Variants in SESTD1 observed in about 807,000 individuals in gnomAD.
The protein encoded by SESTD1 is SEC14 and spectrin domain containing 1.
A neutral mutation model predicts 101.7 loss-of-function variants in SESTD1; 43 were observed. The ratio of observed to expected loss-of-function variants is 0.42; its 90% CI spans 0.33 to 0.55. The LOEUF (loss-of-function observed/expected upper bound fraction) is 0.55. Among genes scored for constraint, SESTD1 ranks in the 20% least tolerant of loss-of-function variants. SESTD1 has a pLI of 0.07. For missense variants in SESTD1, 647 were observed against 815.1 expected, an observed-to-expected ratio of 0.79 and a Z score of 2.51; for synonymous variants, 283 against 286.8, an observed-to-expected ratio of 0.99 and a Z score of 0.13.
chr2:179,158,581 A>G (rs2045673637), intron 5 of SESTD1, among the ~76,000 whole-genome samples: 1 of 152,186 alleles, frequency 6.6e-6, no homozygotes, highest in South Asian at 2.1e-4. Context: ...CATATTTAAG[A>G]GCATATTATC....
At chr2:179,132,502 C>T in intron 9 of SESTD1, 76 bp from the exon 10 acceptor site, 2 of 1,491,880 alleles carry the variant, frequency 1.3e-6, no homozygotes, top group Non-Finnish European at 1.8e-6. Context: ...TTATTTTTCC[C>T]CTCCCAAAGT....
intron 2 of SESTD1, among the ~76,000 whole-genome samples, chr2:179,183,406 C>A (rs1559132810): frequency 4.6e-5 from 7 of 152,046 alleles, no homozygotes; most frequent in Admixed American, 3.3e-4. Flanking sequence ...GAAATCTTCA[C>A]CCAAACATAG....
At chr2:179,233,655 T>C (rs1200738209) in intron 1 of SESTD1, among the ~76,000 whole-genome samples, 2 of 152,206 alleles carry the variant, frequency 1.3e-5, no homozygotes, top group African/African-American at 4.8e-5. Context: ...GGTTTCACCA[T>C]GTTGGCCAGG....
chr2:179,194,171 C>A (rs540506693), intron 1 of SESTD1, among the ~76,000 whole-genome samples: 1 of 152,194 alleles, frequency 6.6e-6, no homozygotes. Context: ...TACACCTACT[C>A]CATCTGCTCC....
At chr2:179,162,259 C>A (rs982117307) in intron 5 of SESTD1, among the ~76,000 whole-genome samples, 24 of 150,954 alleles carry the variant, frequency 1.6e-4, no homozygotes, top group African/African-American at 2.7e-4. Context: ...AAAAAAAAAA[C>A]CATATTTTTT....
chr2:179,169,371 G>A (rs1392151758), intron 5 of SESTD1, among the ~76,000 whole-genome samples: 1 of 151,948 alleles, frequency 6.6e-6, no homozygotes, highest in East Asian at 1.9e-4. Context: ...ATGATAAATT[G>A]GGCCCTACTC....
At chr2:179,123,372 TACA>T (rs2044795372) in intron 12 of SESTD1, among the ~76,000 whole-genome samples, 1 of 152,112 alleles carries the variant, frequency 6.6e-6, no homozygotes, top group African/African-American at 2.4e-5. Flanking sequence ...ATTTTGGGCA[TACA>T]GGATTTACCA....
At chr2:179,118,469 A>T (rs901868647) in intron 13 of SESTD1, among the ~76,000 whole-genome samples, 4 of 152,304 alleles carry the variant, frequency 2.6e-5, no homozygotes, top group Middle Eastern at 6.8e-3. Context: ...TACCGATAAT[A>T]TGTTACCAGA....
At chr2:179,228,963 C>A (rs1452541664) in intron 1 of SESTD1, among the ~76,000 whole-genome samples, 1 of 152,078 alleles carries the variant, frequency 6.6e-6, no homozygotes, top group Non-Finnish European at 1.5e-5. Context: ...AAACTAAAAT[C>A]ATCCACAGAA....
chr2:179,139,429 G>A (rs187731905), intron 9 of SESTD1, among the ~76,000 whole-genome samples: 34 of 152,274 alleles, frequency 2.2e-4, no homozygotes, highest in Non-Finnish European at 3.7e-4. Flanking sequence ...AAAGAAGGGG[G>A]AGAAATGAAA....
rs1222682418 is a variant in SESTD1 at position 179,146,376 on chromosome 2, T to C, written c.637+26A>G. ...CAATCCAATTGGTTTACTGGATTAT[T>C]ATCACAAATATTTTTTAAATCTTAC... On this transcript the variant is annotated intron_variant, in intron 8 of 17. Coordinates refer to ENST00000428443, the MANE Select transcript of SESTD1 (RefSeq NM_178123.5). 2.0e-5 allele frequency: 32 copies of C among 1,574,270 alleles called. No homozygotes were observed. The Admixed American group carries it at 5.1e-4, about 25-fold the overall frequency.
chr2:179,185,384 C>G (rs1480623335), intron 2 of SESTD1, among the ~76,000 whole-genome samples: 1 of 144,300 alleles, frequency 6.9e-6, no homozygotes, highest in Non-Finnish European at 1.5e-5. Context: ...ATATATATTA[C>G]ATATTGTATA....
At chr2:179,234,447 T>C (rs185151890) in intron 1 of SESTD1, among the ~76,000 whole-genome samples, 10 of 152,284 alleles carry the variant, frequency 6.6e-5, no homozygotes, top group South Asian at 2.1e-4. Flanking sequence ...ATAAGGTAAG[T>C]ACAAGATGAC....
At chr2:179,252,079 G>T (rs2047325631) in intron 1 of SESTD1, among the ~76,000 whole-genome samples, 1 of 152,150 alleles carries the variant, frequency 6.6e-6, no homozygotes, top group African/African-American at 2.4e-5. Context: ...TCACACTAAG[G>T]TATGAGTAAC....
chr2:179,246,794 A>C (rs1362650412), intron 1 of SESTD1, among the ~76,000 whole-genome samples: 1 of 152,226 alleles, frequency 6.6e-6, no homozygotes, highest in Non-Finnish European at 1.5e-5. Context: ...TCAATAACAG[A>C]AAGATAAAAG....
At chr2:179,183,815 G>GAAAGA (rs1303995920) in intron 2 of SESTD1, among the ~76,000 whole-genome samples, 1 of 136,544 alleles carries the variant, frequency 7.3e-6, no homozygotes, top group Admixed American at 8.3e-5. Flanking sequence ...TGCATGGAAA[G>GAAAGA]AAAGAAAAGA....
chr2:179,227,040 A>G (rs961187134), intron 1 of SESTD1, among the ~76,000 whole-genome samples: 3 of 152,202 alleles, frequency 2.0e-5, no homozygotes, highest in African/African-American at 7.2e-5. Context: ...ATTTACTGAA[A>G]TATTCTGAGA....
rs1559100240 is a variant in SESTD1 at position 179,123,589 on chromosome 2, C to T, written c.1282+126G>A. The T allele has an allele frequency of 6.2e-6, 4 of 648,430 alleles. No individual in the cohort carries two copies. The East Asian group carries it at 1.1e-4, about 18-fold the overall frequency. 40.2% of individuals were successfully genotyped at this position (648,430 alleles called of 1,614,324 possible). ...CTCAAGGGAATAAAATCTTTTTATA[C>T]TATTTTTCTGTTTCCTGAAAATAAT... is the stretch of plus-strand genomic sequence containing the variant. On this transcript the variant is annotated intron_variant, in intron 12 of 17. Coordinates refer to ENST00000428443, the MANE Select transcript of SESTD1 (RefSeq NM_178123.5).
intron 1 of SESTD1, among the ~76,000 whole-genome samples, chr2:179,240,072 C>G (rs1374510990): frequency 6.6e-6 from 1 of 152,164 alleles, no homozygotes; most frequent in Admixed American, 6.5e-5. Context: ...TGGTGCATTT[C>G]AGACAGAAGA....
Sources: gnomAD v4.1 joint callset for allele counts (sites outside exome capture counted in the v4.1 genomes callset) on GRCh38, gnomAD v4.1.1 for gene constraint, MANE v1.5 for transcripts, NCBI Gene and HGNC (gene_info 2026-07-23, HGNC 2026-07-21) for gene names.